The following HMX1 variants were observed in gnomAD, a reference collection of about 807,000 sequenced individuals.
HMX1 encodes the protein H6 family homeobox 1.
A neutral mutation model predicts 8.9 loss-of-function variants in HMX1; 8 were observed. The ratio of observed to expected loss-of-function variants is 0.90; its 90% confidence interval spans 0.53 to 1.63. The LOEUF is 1.63. Among genes scored for constraint, HMX1 ranks in the 40% most tolerant of loss-of-function variants. HMX1 has a pLI of 0.00. For synonymous variants in HMX1, 311 were observed against 283.4 expected, an observed-to-expected ratio of 1.10 and a Z score of -0.98; for missense variants, 621 against 558.5, an observed-to-expected ratio of 1.11 and a Z score of -1.13.
intron 1 of HMX1, among the ~76,000 whole-genome samples, chr4:8,858,095 G>T (rs1463381418): frequency 6.6e-6 from 1 of 152,160 alleles, no homozygotes; most frequent in African/African-American, 2.4e-5. Flanking sequence ...GCGTGGGGGA[G>T]GGGGCAGCAG....
Position 8,867,879 on chromosome 4 carries a change from G to GTGGT in HMX1, c.857_860dup (p.His287GlnfsTer94). The GTGGT allele has an allele frequency of 3.1e-6, 4 of 1,288,790 alleles. No individual in the cohort carries two copies. The highest frequency in any genetic ancestry group is 2.9e-6 in the Non-Finnish European group (3 of 1,019,280). The allele number at this position is 1,288,790 out of a possible 1,614,324, so 79.8% of individuals were successfully genotyped here. A position where few individuals can be genotyped will look rare whatever the true frequency, so the allele number is the denominator to read the frequency against. Reference sequence around the variant, plus strand: ...CGGCGGCTGCGGCCGGGGGGCTTTCGTGGTAGAGCACCGGCACGCGGACCA... The same window carrying GTGGT: ...CGGCGGCTGCGGCCGGGGGGCTTTCGTGGTTGGTAGAGCACCGGCACGCGGACCA... On this transcript the variant is annotated frameshift_variant, in exon 2 of 2. Coordinates refer to ENST00000400677, the MANE Select transcript of HMX1 (RefSeq NM_018942.3). LOFTEE classifies it low-confidence loss of function (END_TRUNC).
At chr4:8,846,187 G>A (rs1364267523) in exon 2 of HMX1, 1 of 1,347,534 alleles carries the variant, frequency 7.4e-7, no homozygotes, top group African/African-American at 1.4e-5. Flanking sequence ...ACCGTGTTGT[G>A]GCTGCACCAT....
intron 1 of HMX1, among the ~76,000 whole-genome samples, chr4:8,858,297 G>A (rs1057146719): frequency 6.6e-6 from 1 of 152,170 alleles, no homozygotes; most frequent in Non-Finnish European, 1.5e-5. Flanking sequence ...GTGAGAAGCC[G>A]AGGCAGAGAG....
At position 8,847,841 on chromosome 4, in the gene HMX1, A is replaced by C. The variant is rs1721323204; in HGVS notation, c.395-1517T>G. On this transcript the variant is annotated intron_variant, in intron 1 of 1. Transcript: ENST00000506970. This position sits in a 1 kb window ranked among gnomAD's most constrained non-coding sequence, Gnocchi z 6.0. Reference sequence around the variant, plus strand: ...ACAGGGGAATGGGAAGGACAAGAAGAACCTCGGGGTTGGCTGGAGTGGCTC... The same window carrying C: ...ACAGGGGAATGGGAAGGACAAGAAGCACCTCGGGGTTGGCTGGAGTGGCTC... 6.6e-6 allele frequency among the ~76,000 whole-genome samples: 1 copy of C among 152,206 alleles called. No homozygotes were observed. Among genetic ancestry groups the C allele is most frequent in the South Asian group, 2.1e-4 (1 of 4,832 alleles).
intron 1 of HMX1, among the ~76,000 whole-genome samples, chr4:8,857,622 C>T (rs1427285963): frequency 6.6e-6 from 1 of 152,232 alleles, no homozygotes; most frequent in Non-Finnish European, 1.5e-5. Context: ...AAGCCTGGAG[C>T]CTCTCTGCGA....
At chr4:8,862,394 A>T (rs1245767015), downstream of HMX1, among the ~76,000 whole-genome samples, 1 of 152,244 alleles carries the variant, frequency 6.6e-6, no homozygotes, top group Non-Finnish European at 1.5e-5. Flanking sequence ...TTATTATGGA[A>T]GTTTTCAAAT....
chr4:8,868,418 T>A lies in HMX1; in HGVS notation c.395-73A>T, dbSNP rs1042745529. ...CAGACTCAATCACTGAGGCCAGCCG[T>A]CCCCACCTTGAGGTCGCTCACAGCC... is the stretch of plus-strand genomic sequence containing the variant. On this transcript the variant is annotated intron_variant, in intron 1 of 1. Transcript: ENST00000400677. The surrounding 1 kb of genome is among the most constrained non-coding windows in gnomAD (Gnocchi z 4.6). 8.6e-7 allele frequency: 1 copy of A among 1,161,266 alleles called. No individual in the cohort carries two copies. Among genetic ancestry groups the A allele is most frequent in the Non-Finnish European group, 1.1e-6 (1 of 915,084 alleles). The allele number at this position is 1,161,266 out of a possible 1,614,324, so 71.9% of individuals were successfully genotyped here. A position where few individuals can be genotyped will look rare whatever the true frequency, so the allele number is the denominator to read the frequency against.
In HMX1 at chr4:8,853,638, G is replaced by A. The variant is rs1227592812; in HGVS notation, c.395-7314C>T. Among the ~76,000 whole-genome samples, 2 of 152,174 alleles carry A rather than the reference G, an allele frequency of 1.3e-5. No individual in the cohort carries two copies. The highest frequency in any genetic ancestry group is 1.5e-5 in the Non-Finnish European group (1 of 68,040). On this transcript the variant is annotated intron_variant, in intron 1 of 1. Coordinates refer to the HMX1 transcript ENST00000506970. The surrounding 1 kb of genome is among the most constrained non-coding windows in gnomAD (Gnocchi z 4.7). ...AGGCCAAGGCGGGCGGATCACCTGA[G>A]GTCAGGAGTTCAAGACCAGCCTGAC...
At chr4:8,869,600 T>G (rs912825535) in intron 1 of HMX1, among the ~76,000 whole-genome samples, 2 of 152,158 alleles carry the variant, frequency 1.3e-5, no homozygotes, top group African/African-American at 2.4e-5. Flanking sequence ...AGTGTGCACA[T>G]CCCACTCACG....
rs1272545151 is a variant in HMX1, at chr4:8,868,213, G to A, written c.527C>T (p.Thr176Met). 12 of 1,451,178 alleles carry A rather than the reference G, an allele frequency of 8.3e-6. No individual in the cohort carries two copies. Among genetic ancestry groups the A allele is most frequent in the Non-Finnish European group, 3.6e-6 (4 of 1,106,966 alleles). The allele number at this position is 1,451,178 out of a possible 1,614,324, so 89.9% of individuals were successfully genotyped here. The change falls in exon 2 of 2, where the codon ACG (threonine) becomes ATG (methionine). Residue 176 changes from threonine (T) to methionine (M), a missense_variant. Transcript: ENST00000400677. The surrounding 1 kb of genome is among the most constrained non-coding windows in gnomAD (Gnocchi z 4.6). ...CTCGGCCAGCTCCGACGCCTCCTCC[G>A]TGCCGGCCGCCGGGCCACGCGCCGC... is the stretch of plus-strand genomic sequence containing the variant. ...ELAARGPAAG[T>M]EEASELAEVP... is the part of the protein sequence containing the mutation.
intron 1 of HMX1, among the ~76,000 whole-genome samples, chr4:8,861,456 G>T (rs549282431): frequency 1.3e-5 from 2 of 152,188 alleles, no homozygotes; most frequent in African/African-American, 2.4e-5. Context: ...GGAGAATCAC[G>T]CTCGGGAAAG....
rs925124484 is a variant in HMX1 at position 8,870,390 on chromosome 4, G to A, written c.394+831C>T. On this transcript the variant is annotated intron_variant, in intron 1 of 1. Coordinates refer to ENST00000400677, the MANE Select transcript of HMX1 (RefSeq NM_018942.3). This position sits in a 1 kb window ranked among gnomAD's most constrained non-coding sequence, Gnocchi z 4.4. ...CAGATACCCAAGCAAGGGGGCAAAGGGGTTCTGGGGTTGAGAACCCCCAGC... is the reference window on the plus strand; with the variant it reads ...CAGATACCCAAGCAAGGGGGCAAAGAGGTTCTGGGGTTGAGAACCCCCAGC... Among the ~76,000 whole-genome samples, 4 of 152,102 alleles carry A rather than the reference G, an allele frequency of 2.6e-5. No homozygotes were observed. Among genetic ancestry groups the A allele is most frequent in the Admixed American group, 6.5e-5 (1 of 15,270 alleles).
At chr4:8,857,335 G>C (rs1721639308) in intron 1 of HMX1, among the ~76,000 whole-genome samples, 1 of 152,170 alleles carries the variant, frequency 6.6e-6, no homozygotes, top group South Asian at 2.1e-4. Context: ...GGCGGCGGCG[G>C]CCTTCCCCTG....
chr4:8,857,327 C>T (rs1436630344), intron 1 of HMX1, among the ~76,000 whole-genome samples: 1 of 152,152 alleles, frequency 6.6e-6, no homozygotes, highest in Non-Finnish European at 1.5e-5. Flanking sequence ...GAGGGTCGGG[C>T]GGCGGCGGCC....
At position 8,854,703 on chromosome 4, in the gene HMX1, T is replaced by C. The variant is rs1721557311; in HGVS notation, c.395-8379A>G. On this transcript the variant is annotated intron_variant, in intron 1 of 1. Coordinates refer to the HMX1 transcript ENST00000506970. ...TGCATATGTGCTCCCTGTCTCTCTG[T>C]CTATCTAACTATTCTATTGATTCTC... Among the ~76,000 whole-genome samples, 3 of 151,990 alleles carry C rather than the reference T, an allele frequency of 2.0e-5. No individual in the cohort carries two copies. The South Asian group carries it at 6.2e-4, about 31-fold the overall frequency.
chr4:8,867,839 TGGCCGGGGGCCCAGCGGCGGCTGC>T lies in HMX1; in HGVS notation c.877_900del (p.Ala293_Ala300del), dbSNP rs1011420309. 66 of 1,234,602 alleles carry T rather than the reference TGGCCGGGGGCCCAGCGGCGGCTGC, an allele frequency of 5.3e-5. 2 individuals carry two copies. Among genetic ancestry groups the T allele is most frequent in the South Asian group, 1.1e-4 (3 of 27,666 alleles). The allele number at this position is 1,234,602 out of a possible 1,614,324, so 76.5% of individuals were successfully genotyped here. On this transcript the variant is annotated inframe_deletion, in exon 2 of 2. Coordinates refer to ENST00000400677, the MANE Select transcript of HMX1 (RefSeq NM_018942.3). ...GCGGGCGCCAGCGGGAAGGGCAGGG[TGGCCGGGGGCCCAGCGGCGGCTGC>T]GGCCGGGGGGCTTTCGTGGTAGAGC...
intron 1 of HMX1, among the ~76,000 whole-genome samples, chr4:8,857,019 G>C (rs1467591176): frequency 6.6e-6 from 1 of 152,194 alleles, no homozygotes; most frequent in South Asian, 2.1e-4. Context: ...AGGAAATGGA[G>C]GCTGCAGTGA....
In HMX1 at chr4:8,867,096, T is replaced by TA. The variant is rs1211078939; in HGVS notation, c.*596dup. ...CCATACGCAAATAAGTAGATTCATT[T>TA]AAAAAAACAACAACCCGGAGGCTGC... On this transcript the variant is annotated 3_prime_UTR_variant, in exon 2 of 2. Transcript: ENST00000400677. The TA allele has an allele frequency of 4.1e-6, 4 of 985,434 alleles. No homozygotes were observed. Among genetic ancestry groups the TA allele is most frequent in the Non-Finnish European group, 4.8e-6 (4 of 829,932 alleles). 61.0% of individuals were successfully genotyped at this position (985,434 alleles called of 1,614,324 possible). A position where few individuals can be genotyped will look rare whatever the true frequency, so the allele number is the denominator to read the frequency against.
downstream of HMX1, among the ~76,000 whole-genome samples, chr4:8,865,481 T>C (rs925921053): frequency 6.6e-6 from 1 of 151,914 alleles, no homozygotes; most frequent in Non-Finnish European, 1.5e-5. Flanking sequence ...GCTGGGCCTG[T>C]GTGGGACTCG....
Sources: gnomAD v4.1 joint callset for allele counts (sites outside exome capture counted in the v4.1 genomes callset) on GRCh38, gnomAD v4.1.1 for gene constraint, Gnocchi (gnomAD v3.1) non-coding constraint, MANE v1.5 for transcripts, NCBI Gene and HGNC (gene_info 2026-07-23, HGNC 2026-07-21) for gene names.